PLCG2: variants seen among roughly 807,000 people sequenced by gnomAD.
PLCG2 encodes the protein phospholipase C gamma 2, also known as 1-phosphatidylinositol 4,5-bisphosphate phosphodiesterase gamma-2.
PLCG2 carries 69 observed loss-of-function variants against 175.6 expected under a neutral mutation model. The ratio of observed to expected loss-of-function variants is 0.39; its 90% CI spans 0.32 to 0.48. The LOEUF (loss-of-function observed/expected upper bound fraction) is 0.48. Ranked by LOEUF, PLCG2 falls within the 20% of genes least tolerant of loss-of-function variation. PLCG2 has a pLI of 0.91. For synonymous variants in PLCG2, 827 were observed against 624.0 expected, an observed-to-expected ratio of 1.33 and a Z score of -4.85; for missense variants, 1,798 against 1,650.9, an observed-to-expected ratio of 1.09 and a Z score of -1.54.
intron 2 of PLCG2, among the ~76,000 whole-genome samples, chr16:81,821,413 T>A (rs1904793871): frequency 6.6e-6 from 1 of 152,186 alleles, no homozygotes. Context: ...AATGAAATAA[T>A]ACAAATGTAC....
At chr16:81,907,602 G>C (rs976375769) in intron 15 of PLCG2, 83 bp from the exon 16 acceptor site, 7 of 849,566 alleles carry the variant, frequency 8.2e-6, no homozygotes, top group Non-Finnish European at 1.2e-5. Flanking sequence ...TAGATGCTGG[G>C]GTGACGCCCT....
intron 5 of PLCG2, chr16:81,859,394 C>A: frequency 2.1e-6 from 1 of 486,650 alleles, no homozygotes. Flanking sequence ...ATGATCTCTG[C>A]CATGGGGCAT....
At chr16:81,854,359 C>A in intron 2 of PLCG2, 85 bp from the exon 3 acceptor site, 1 of 1,247,616 alleles carries the variant, frequency 8.0e-7, no homozygotes, top group Non-Finnish European at 1.2e-6. Flanking sequence ...AGGAGCCAGG[C>A]TGTGCCTGGG....
upstream of PLCG2, among the ~76,000 whole-genome samples, chr16:81,778,077 C>CAAAAAAAAT (rs761945210): frequency 2.1e-5 from 2 of 94,314 alleles, no homozygotes; most frequent in Non-Finnish European, 2.2e-5. Context: ...AAAACACACA[C>CAAAAAAAAT]ACACAAAAAA....
At chr16:81,911,581 G>T (rs1909622806) in intron 18 of PLCG2, among the ~76,000 whole-genome samples, 2 of 144,836 alleles carry the variant, frequency 1.4e-5, no homozygotes, top group Non-Finnish European at 3.0e-5. Context: ...CTGCAGGTGT[G>T]TGCCACTGTG....
chr16:81,858,247 C>T lies in PLCG2; in HGVS notation c.338-16C>T, dbSNP rs773467785. 1.1e-5 allele frequency: 17 copies of T among 1,571,854 alleles called. No individual in the cohort carries two copies. The highest frequency in any genetic ancestry group is 1.5e-5 in the Non-Finnish European group (17 of 1,141,542). On this transcript the variant is annotated splice_polypyrimidine_tract_variant and intron_variant, in intron 3 of 32. Coordinates refer to ENST00000564138, the MANE Select transcript of PLCG2 (RefSeq NM_002661.5). ...AGGAATTAACACAGCATTTCTGTTC[C>T]CTTTCTCCACTCCAGCTGACTCTAA...
intron 22 of PLCG2, among the ~76,000 whole-genome samples, chr16:81,923,904 T>C (rs7203619): frequency 0.47 from 71,042 of 152,086 alleles, 17,600 homozygotes; most frequent in South Asian, 0.62. Context: ...TTCCATGCAT[T>C]GTCTAACCAA....
chr16:81,809,601 G>C (rs1206903088), intron 2 of PLCG2, among the ~76,000 whole-genome samples: 6 of 152,256 alleles, frequency 3.9e-5, no homozygotes, highest in Admixed American at 2.6e-4. Context: ...TGAAGACAGA[G>C]ACCCACTTAG....
intron 12 of PLCG2, among the ~76,000 whole-genome samples, chr16:81,894,053 C>T (rs529712677): frequency 9.2e-5 from 14 of 151,522 alleles, no homozygotes; most frequent in South Asian, 2.1e-4. Context: ...AACAGACACC[C>T]GCTGTGTTTT....
chr16:81,747,605 T>G (rs748763706), intron 1 of PLCG2, among the ~76,000 whole-genome samples: 2 of 152,162 alleles, frequency 1.3e-5, no homozygotes, highest in Admixed American at 6.5e-5. Flanking sequence ...TACACATCTG[T>G]GGATAGAGGA....
At chr16:81,846,389 C>T (rs981531780) in intron 2 of PLCG2, among the ~76,000 whole-genome samples, 1 of 152,222 alleles carries the variant, frequency 6.6e-6, no homozygotes, top group African/African-American at 2.4e-5. Context: ...CATCCCACTC[C>T]TGCACTCTCC....
intron 2 of PLCG2, among the ~76,000 whole-genome samples, chr16:81,770,770 C>G (rs1910260773): frequency 6.6e-6 from 1 of 151,974 alleles, no homozygotes; most frequent in African/African-American, 2.4e-5. Flanking sequence ...TAAAATGGCC[C>G]AGATCAGGCC....
At chr16:81,862,495 G>C (rs899288421) in intron 5 of PLCG2, among the ~76,000 whole-genome samples, 1 of 152,228 alleles carries the variant, frequency 6.6e-6, no homozygotes, top group East Asian at 1.9e-4. Flanking sequence ...AAGCAGCCCA[G>C]GTTGTCAGGG....
At position 81,919,519 on chromosome 16, in the gene PLCG2, G is replaced by T. The variant is rs767717794; in HGVS notation, c.2090G>T (p.Arg697Leu). Residue 697 changes from arginine to leucine, a missense_variant, in exon 20 of 33, where the codon CGG (arginine) becomes CTG (leucine). Transcript: ENST00000564138. The part of the protein sequence containing the change: ...RGKVKHCRIN[R>L]DGRHFVLGTS... ...AAGGTAAAGCATTGTCGCATCAACC[G>T]GGACGGCCGGCACTTTGTGCTGGGG... 3 of 1,614,080 alleles carry T rather than the reference G, an allele frequency of 1.9e-6. No homozygotes were observed. In the South Asian group the frequency reaches 3.3e-5, roughly 18 times the overall value.
In PLCG2 at chr16:81,927,239, G is replaced by T. The variant is rs1371965996; in HGVS notation, c.2514+61G>T. The T allele has an allele frequency of 3.5e-6, 4 of 1,146,156 alleles. No individual in the cohort carries two copies. The East Asian group carries it at 9.4e-5, about 27-fold the overall frequency. 71.0% of individuals were successfully genotyped at this position (1,146,156 alleles called of 1,614,324 possible). ...GGGATCTGCAGGTCCAGTTTTTCAGGGAGCTGTGCCATCTCAGTGGGTGAA... is the reference window on the plus strand; with the variant it reads ...GGGATCTGCAGGTCCAGTTTTTCAGTGAGCTGTGCCATCTCAGTGGGTGAA... On this transcript the variant is annotated intron_variant, in intron 23 of 32. Coordinates refer to ENST00000564138, the MANE Select transcript of PLCG2 (RefSeq NM_002661.5).
At chr16:81,742,832 C>T (rs1186540831) in intron 1 of PLCG2, among the ~76,000 whole-genome samples, 1 of 152,226 alleles carries the variant, frequency 6.6e-6, no homozygotes. Flanking sequence ...TCACAGGGCC[C>T]CTCGTCCTCC....
chr16:81,935,323 C>T (rs968572884), intron 26 of PLCG2, among the ~76,000 whole-genome samples: 5 of 152,078 alleles, frequency 3.3e-5, no homozygotes, highest in Non-Finnish European at 7.4e-5. Context: ...GAATAAGCCT[C>T]CCATTTCAAG....
intron 2 of PLCG2, among the ~76,000 whole-genome samples, chr16:81,818,866 C>T (rs1904667266): frequency 1.5e-5 from 2 of 134,798 alleles, no homozygotes; most frequent in South Asian, 2.4e-4. Context: ...TTTCCATAAG[C>T]TAGTGTGGGC....
At chr16:81,860,417 C>T (rs540792657) in intron 5 of PLCG2, among the ~76,000 whole-genome samples, 5 of 151,962 alleles carry the variant, frequency 3.3e-5, no homozygotes, top group South Asian at 2.1e-4. Flanking sequence ...TTCTCAGAAA[C>T]GAATACCAGC....
Sources: allele counts gnomAD v4.1 joint callset (sites outside exome capture counted in the v4.1 genomes callset), GRCh38; gene constraint gnomAD v4.1.1; transcripts MANE v1.5; gene names NCBI Gene and HGNC (gene_info 2026-07-23, HGNC 2026-07-21).